Variants in SSX1 observed in about 807,000 individuals in gnomAD.
SSX1 encodes the protein protein SSX1.
A neutral mutation model predicts 14.6 loss-of-function variants in SSX1; 58 were observed. That is an observed-to-expected ratio of 3.96 (90% confidence interval 3.21 to 4.93). SSX1 has a LOEUF of 4.93. Among genes scored for constraint, SSX1 ranks in the 30% most tolerant of loss-of-function variants. The pLI is 0.00. For synonymous variants in SSX1, 46 were observed against 52.1 expected (o/e 0.88, Z 0.50); for missense variants, 272 against 143.1 (o/e 1.90, Z -4.60).
intron 4 of SSX1, among the ~76,000 whole-genome samples, chrX:48,258,850 T>G (rs1360742923): frequency 9.0e-6 from 1 of 110,933 alleles, no homozygotes; most frequent in Non-Finnish European, 1.9e-5. Flanking sequence ...AAATGGTAAA[T>G]GCATAAAAAC....
chrX:48,257,980 C>G (rs374909630), intron 3 of SSX1, 120 bp downstream of exon 3: 2 of 500,411 alleles, frequency 4.0e-6, no homozygotes, highest in East Asian at 7.8e-5. Flanking sequence ...AGGGAAAAAT[C>G]GCAAGGCAGC....
chrX:48,262,006 A>G (rs2059605705), intron 5 of SSX1, among the ~76,000 whole-genome samples, 191 bp downstream of exon 5: 2 of 112,118 alleles, frequency 1.8e-5, no homozygotes, highest in African/African-American at 6.5e-5. Context: ...TTTTGTTTTC[A>G]TAGTGATGCC....
chrX:48,259,524 A>G (rs2059596506), intron 4 of SSX1, among the ~76,000 whole-genome samples: 1 of 110,820 alleles, frequency 9.0e-6, no homozygotes, highest in South Asian at 3.9e-4. Context: ...ATGTGTATAC[A>G]TGTGCCATGC....
chrX:48,266,042 G>A (rs1272973295), intron 6 of SSX1, among the ~76,000 whole-genome samples: 3 of 112,002 alleles, frequency 2.7e-5, no homozygotes, highest in Non-Finnish European at 5.6e-5. Flanking sequence ...GTTCCCGTAA[G>A]TGAAGAGGTT....
intron 6 of SSX1, 133 bp downstream of exon 6, chrX:48,264,050 T>A: frequency 9.4e-7 from 1 of 1,059,407 alleles, no homozygotes; most frequent in Non-Finnish European, 1.3e-6. Context: ...CAGCTCCAGA[T>A]GAGATGTTAG....
chrX:48,261,228 C>T (rs782379551), intron 4 of SSX1, among the ~76,000 whole-genome samples: 1 of 111,854 alleles, frequency 8.9e-6, no homozygotes, highest in Non-Finnish European at 1.9e-5. Context: ...GCTAAACAGG[C>T]CAGAATCAAC....
At chrX:48,259,453 TG>T (rs1166516596) in intron 4 of SSX1, among the ~76,000 whole-genome samples, 31 of 77,522 alleles carry the variant, frequency 4.0e-4, no homozygotes, top group African/African-American at 1.3e-3. Context: ...TGCTAAACAC[TG>T]TTTTTTTTTA....
At chrX:48,262,855 G>A (rs1450469894) in intron 5 of SSX1, among the ~76,000 whole-genome samples, 1 of 111,475 alleles carries the variant, frequency 9.0e-6, no homozygotes, top group Admixed American at 9.6e-5. Flanking sequence ...TAGCTTAAGG[G>A]CCGGGCGCGG....
At chrX:48,263,600 A>G (rs1394488845) in intron 5 of SSX1, among the ~76,000 whole-genome samples, 182 bp from the exon 6 acceptor site, 2 of 111,646 alleles carry the variant, frequency 1.8e-5, no homozygotes, top group Non-Finnish European at 3.8e-5. Context: ...TGGAAACTGC[A>G]TTCATTTAGG....
In SSX1 at chrX:48,266,909, G is replaced by A. The variant is rs138147980; in HGVS notation, c.*60G>A. On this transcript the variant is annotated 3_prime_UTR_variant, in exon 8 of 8. Coordinates refer to ENST00000376919, the MANE Select transcript of SSX1 (RefSeq NM_005635.4). ...GAAGCAGAACGTGGTGACCTTTCAC[G>A]AACATGGGCATGGCTGCGGCTCCCT... The A allele has an allele frequency of 0.016, 17,862 of 1,097,497 alleles. 177 individuals are homozygous for A. The highest frequency in any genetic ancestry group is 0.019 in the Non-Finnish European group (15,291 of 806,495). The allele number at this position is 1,097,497 out of a possible 1,213,427, so 90.4% of individuals were successfully genotyped here.
In SSX1 at chrX:48,257,759, T is replaced by C. The variant is rs782670584; in HGVS notation, c.83T>C (p.Ile28Thr). 2.5e-5 allele frequency: 30 copies of C among 1,203,387 alleles called. 1 individual carries two copies. Among genetic ancestry groups the C allele is most frequent in the South Asian group, 2.5e-4 (14 of 56,197 alleles). The stretch of plus-strand genomic sequence containing the variant: ...TATTTTTTTTAGGCCTTTGATGATA[T>C]TGCCACATACTTCTCTAAGAAAGAG... The part of the protein sequence containing the change: ...SEKRSKAFDD[I>T]ATYFSKKEWK... The change falls in exon 3 of 8, where the codon ATT (isoleucine) becomes ACT (threonine). Residue 28 changes from isoleucine (I) to threonine (T), a missense_variant. Transcript: ENST00000376919.
chrX:48,261,756 T>A lies in SSX1; in HGVS notation c.281-10T>A, dbSNP rs374281371. The A allele has an allele frequency of 8.3e-7, 1 of 1,210,736 alleles. No homozygotes were observed. Among genetic ancestry groups the A allele is most frequent in the South Asian group, 1.8e-5 (1 of 56,927 alleles). On this transcript the variant is annotated splice_polypyrimidine_tract_variant and intron_variant, in intron 4 of 7. Coordinates refer to ENST00000376919, the MANE Select transcript of SSX1 (RefSeq NM_005635.4). ...CCAACAAAGAAAAATTCTGATGTGT[T>A]CTCTTTCAGTTGAACATCCTCAGAT...
At chrX:48,264,669 C>T (rs782648285) in intron 6 of SSX1, among the ~76,000 whole-genome samples, 3 of 111,728 alleles carry the variant, frequency 2.7e-5, no homozygotes, top group South Asian at 3.8e-4. Flanking sequence ...TTTGCCACAT[C>T]GATTAGCTCT....
chrX:48,264,571 G>C (rs1336563782), intron 6 of SSX1, among the ~76,000 whole-genome samples: 4 of 112,148 alleles, frequency 3.6e-5, no homozygotes, highest in African/African-American at 1.3e-4. Flanking sequence ...GTCTTGCCTC[G>C]GTGTTGATGG....
At chrX:48,266,193 TGGGA>T in intron 6 of SSX1, 90 bp from the exon 7 acceptor site, 1 of 1,190,941 alleles carries the variant, frequency 8.4e-7, no homozygotes, top group Non-Finnish European at 1.1e-6. Flanking sequence ...CATGGGCACT[TGGGA>T]GGGAGGAGGC....
chrX:48,256,833 C>T (rs1196347275), intron 1 of SSX1, among the ~76,000 whole-genome samples: 2 of 110,093 alleles, frequency 1.8e-5, no homozygotes, highest in Non-Finnish European at 3.8e-5. Context: ...ACTCACTTCC[C>T]TCCCTTTATT....
At position 48,267,400 on chromosome X, in the gene SSX1, C is replaced by G. The variant is rs1194178084; in HGVS notation, c.*551C>G. The G allele has an allele frequency of 6.0e-6, 1 of 166,018 alleles. No individual in the cohort carries two copies. The highest frequency in any genetic ancestry group is 1.2e-5 in the Non-Finnish European group (1 of 86,449). The allele number at this position is 166,018 out of a possible 1,213,427, so 13.7% of individuals were successfully genotyped here. Reference sequence around the variant, plus strand: ...CAGCATGTACTCCCCTCATCCGATTCCCCTGTATCAGTCACTGACAGTTAA... The same window carrying G: ...CAGCATGTACTCCCCTCATCCGATTGCCCTGTATCAGTCACTGACAGTTAA... On this transcript the variant is annotated 3_prime_UTR_variant, in exon 8 of 8. Coordinates refer to ENST00000376919, the MANE Select transcript of SSX1 (RefSeq NM_005635.4).
intron 5 of SSX1, 46 bp from the exon 6 acceptor site, chrX:48,263,736 A>G: frequency 8.3e-7 from 1 of 1,206,439 alleles, no homozygotes; most frequent in Non-Finnish European, 1.1e-6. Context: ...AAAGCACTAT[A>G]GAAATGTCAC....
chrX:48,258,706 C>T (rs782820562), intron 4 of SSX1, 75 bp downstream of exon 4: 2 of 865,560 alleles, frequency 2.3e-6, no homozygotes, highest in Admixed American at 5.0e-5. Flanking sequence ...TGGGAAAGAT[C>T]CTCTGGCATT....
Sources: allele counts gnomAD v4.1 joint callset (sites outside exome capture counted in the v4.1 genomes callset), GRCh38; gene constraint gnomAD v4.1.1; transcripts MANE v1.5; gene names NCBI Gene and HGNC (gene_info 2026-07-23, HGNC 2026-07-21).